Variants in SDK1 observed in about 807,000 individuals in gnomAD.
The protein encoded by SDK1 is protein sidekick-1.
Under a neutral mutation model 245.5 loss-of-function variants are expected in SDK1, and 157 were observed. That is an observed-to-expected ratio of 0.64 (90% CI 0.56 to 0.73). The LOEUF (loss-of-function observed/expected upper bound fraction) is 0.73. SDK1 is among the 30% of genes least tolerant of loss of function. SDK1 has a pLI of 0.00. For synonymous variants in SDK1, 1,647 were observed against 1,278.5 expected (o/e 1.29, Z -6.15); for missense variants, 3,583 against 3,002.3 (o/e 1.19, Z -4.52).
rs982703170 is a variant in SDK1 at position 3,460,801 on chromosome 7, A to C, written c.299-158279A>C. On this transcript the variant is annotated intron_variant, in intron 1 of 44. Coordinates refer to ENST00000404826, the MANE Select transcript of SDK1 (RefSeq NM_152744.4). ...AATTGGAGAATGAATGAATATGAAA[A>C]TCTACTTACAGAAACCATTTTAGGT... 3.3e-5 allele frequency among the ~76,000 whole-genome samples: 5 copies of C among 152,198 alleles called. No individual in the cohort carries two copies. In the East Asian group the frequency reaches 9.6e-4, roughly 29 times the overall value.
intron 1 of SDK1, among the ~76,000 whole-genome samples, chr7:3,538,185 G>C (rs1190588882): frequency 3.9e-5 from 6 of 152,152 alleles, no homozygotes; most frequent in Admixed American, 2.0e-4. Flanking sequence ...GGCAGATTTT[G>C]TGTTGGCAAT....
chr7:3,970,854 G>C (rs1055528600), intron 11 of SDK1, among the ~76,000 whole-genome samples: 2 of 152,194 alleles, frequency 1.3e-5, no homozygotes, highest in African/African-American at 4.8e-5. Context: ...TGACTCCGAA[G>C]TTCTGGGCTC....
At chr7:4,151,055 A>G (rs1030715064) in intron 30 of SDK1, among the ~76,000 whole-genome samples, 3 of 152,226 alleles carry the variant, frequency 2.0e-5, no homozygotes, top group African/African-American at 7.2e-5. Context: ...TTGGACGGTC[A>G]TGGCCATGGA....
chr7:4,191,657 G>A (rs1414567625), intron 35 of SDK1, among the ~76,000 whole-genome samples: 1 of 152,266 alleles, frequency 6.6e-6, no homozygotes, highest in African/African-American at 2.4e-5. Flanking sequence ...GCTCCGCCAG[G>A]GAGAGGGAGG....
chr7:4,051,797 A>T lies in SDK1; in HGVS notation c.2878A>T (p.Ser960Cys), dbSNP rs372648424. The T allele has an allele frequency of 5.0e-6, 8 of 1,613,618 alleles. No individual in the cohort carries two copies. Among genetic ancestry groups the T allele is most frequent in the Non-Finnish European group, 6.8e-6 (8 of 1,179,784 alleles). Residue 960 changes from serine to cysteine, a missense_variant, in exon 19 of 45, where the codon AGC (serine) becomes TGC (cysteine). Ser to Cys is a moderately radical substitution (Grantham distance 112). Transcript: ENST00000404826. ...CFTTPGDGPP[S>C]TPQLVWTQED... ...CACCACCCCTGGGGACGGGCCTCCCAGCACACCTCAGCTGGTCTGGACTCA... is the reference window on the plus strand; with the variant it reads ...CACCACCCCTGGGGACGGGCCTCCCTGCACACCTCAGCTGGTCTGGACTCA...
At chr7:3,531,411 A>G (rs1364202381) in intron 1 of SDK1, among the ~76,000 whole-genome samples, 1 of 152,146 alleles carries the variant, frequency 6.6e-6, no homozygotes, top group South Asian at 2.1e-4. Flanking sequence ...TGAAAATTTA[A>G]ATTTTTTATT....
intron 3 of SDK1, among the ~76,000 whole-genome samples, chr7:3,640,295 A>G (rs183455402): frequency 2.6e-5 from 4 of 152,384 alleles, no homozygotes; most frequent in African/African-American, 4.8e-5. Flanking sequence ...GGGCTGTACT[A>G]TTTGGTGATG....
At chr7:3,960,274 G>A (rs529292138) in intron 8 of SDK1, among the ~76,000 whole-genome samples, 2 of 152,302 alleles carry the variant, frequency 1.3e-5, no homozygotes, top group East Asian at 3.9e-4. Context: ...GCCTGTGGAA[G>A]TTACTCATTA....
At chr7:3,812,620 G>A (rs1464207834) in intron 4 of SDK1, among the ~76,000 whole-genome samples, 2 of 152,180 alleles carry the variant, frequency 1.3e-5, no homozygotes, top group African/African-American at 4.8e-5. Context: ...TCAAGGCATG[G>A]GCCATTATGG....
intron 4 of SDK1, among the ~76,000 whole-genome samples, chr7:3,726,379 G>A (rs914884754): frequency 6.6e-6 from 1 of 152,222 alleles, no homozygotes; most frequent in Non-Finnish European, 1.5e-5. Context: ...AAATTTAAAA[G>A]CAGTCACTCG....
At chr7:4,005,403 T>TGA (rs1013681795) in intron 14 of SDK1, among the ~76,000 whole-genome samples, 5 of 110,294 alleles carry the variant, frequency 4.5e-5, no homozygotes, top group Non-Finnish European at 8.9e-5. Flanking sequence ...AGTGTGTGTG[T>TGA]GTGTGTGTGT....
At chr7:3,783,391 C>T (rs1011518913) in intron 4 of SDK1, among the ~76,000 whole-genome samples, 3 of 151,190 alleles carry the variant, frequency 2.0e-5, no homozygotes, top group African/African-American at 7.3e-5. Context: ...TAGAAGGCAT[C>T]GTAATAGGAA....
intron 1 of SDK1, among the ~76,000 whole-genome samples, chr7:3,616,334 G>C (rs1198751000): frequency 6.6e-6 from 1 of 152,210 alleles, no homozygotes; most frequent in African/African-American, 2.4e-5. Context: ...GTCACGCAAC[G>C]ATGAGGTGGG....
chr7:3,941,907 CTTTTTTTTTTT>C (rs72338979), intron 5 of SDK1, among the ~76,000 whole-genome samples: 1 of 128,222 alleles, frequency 7.8e-6, no homozygotes, highest in Non-Finnish European at 1.6e-5. Flanking sequence ...AGACTTCATT[CTTTTTTTTTTT>C]TTTTTTTTGA....
rs560124026 is a variant in SDK1, at chr7:3,357,328, G to GTTTTTTTTTTTTTTTT, written c.298+55468_298+55483dup. Among the ~76,000 whole-genome samples the GTTTTTTTTTTTTTTTT allele has an allele frequency of 3.4e-4, 18 of 52,946 alleles. 6 individuals are homozygous for GTTTTTTTTTTTTTTTT. Among genetic ancestry groups the GTTTTTTTTTTTTTTTT allele is most frequent in the Non-Finnish European group, 5.3e-4 (15 of 28,314 alleles). The allele number at this position is 52,946 out of a possible 152,430, so 34.7% of individuals were successfully genotyped here. ...TTACTCTTGCTCCCCTTCTTTTAGT[G>GTTTTTTTTTTTTTTTT]TTTTTTTTTTTTTTTTTTTTTTTTT... On this transcript the variant is annotated intron_variant, in intron 1 of 44. Transcript: ENST00000404826.
chr7:3,765,711 A>C (rs1780234088), intron 4 of SDK1, among the ~76,000 whole-genome samples: 1 of 152,188 alleles, frequency 6.6e-6, no homozygotes, highest in East Asian at 1.9e-4. Flanking sequence ...TTGAAATGCA[A>C]AGTCATTATG....
At chr7:3,700,257 G>A (rs1448870770) in intron 4 of SDK1, among the ~76,000 whole-genome samples, 1 of 152,114 alleles carries the variant, frequency 6.6e-6, no homozygotes, top group East Asian at 1.9e-4. Flanking sequence ...GTTATCTTGG[G>A]ACATCAAGAA....
chr7:3,495,284 G>C (rs1781990236), intron 1 of SDK1, among the ~76,000 whole-genome samples: 1 of 140,232 alleles, frequency 7.1e-6, no homozygotes, highest in Non-Finnish European at 1.5e-5. Flanking sequence ...TTGAAGCGGA[G>C]TCTCGCTCTG....
At chr7:3,740,075 C>G (rs1453680887) in intron 4 of SDK1, among the ~76,000 whole-genome samples, 1 of 152,126 alleles carries the variant, frequency 6.6e-6, no homozygotes, top group Non-Finnish European at 1.5e-5. Flanking sequence ...GGATAAATCT[C>G]CAAGCCTTTG....
Sources: allele counts gnomAD v4.1 joint callset (sites outside exome capture counted in the v4.1 genomes callset), GRCh38; gene constraint gnomAD v4.1.1; transcripts MANE v1.5; gene names NCBI Gene and HGNC (gene_info 2026-07-23, HGNC 2026-07-21).